SNTG1: variants seen among roughly 807,000 people sequenced by gnomAD.
SNTG1 encodes gamma-1-syntrophin.
A neutral mutation model predicts 74.7 loss-of-function variants in SNTG1; 39 were observed. The observed-to-expected ratio is 0.52, with a 90% CI of 0.40 to 0.68. The LOEUF (loss-of-function observed/expected upper bound fraction) is 0.68. SNTG1 is among the 30% of genes least tolerant of loss of function. The pLI is 0.00. For synonymous variants in SNTG1, 254 were observed against 217.1 expected, an observed-to-expected ratio of 1.17 and a Z score of -1.49; for missense variants, 685 against 609.5, an observed-to-expected ratio of 1.12 and a Z score of -1.30.
chr8:50,035,928 G>A (rs1818121813), intron 1 of SNTG1, among the ~76,000 whole-genome samples: 1 of 152,080 alleles, frequency 6.6e-6, no homozygotes, highest in South Asian at 2.1e-4. Flanking sequence ...ACAGCTTGGT[G>A]AAGGCCAGGT....
At chr8:50,510,182 T>G (rs112611520) in intron 9 of SNTG1, among the ~76,000 whole-genome samples, 47 of 152,160 alleles carry the variant, frequency 3.1e-4, no homozygotes, top group African/African-American at 9.4e-4. Context: ...TCATATGGTT[T>G]TTGTTGTTGG....
chr8:50,376,754 T>G (rs148118785), intron 2 of SNTG1, among the ~76,000 whole-genome samples: 27,330 of 99,398 alleles, frequency 0.27, 3,235 homozygotes, highest in African/African-American at 0.32. Context: ...TATATATATA[T>G]ATAGAGAGAG....
chr8:50,460,618 G>A (rs558329721), intron 8 of SNTG1, among the ~76,000 whole-genome samples: 63 of 152,264 alleles, frequency 4.1e-4, no homozygotes, highest in African/African-American at 1.5e-3. Flanking sequence ...ACAGTTCGAT[G>A]TCATGCATTT....
chr8:50,701,740 T>G (rs1245154304), intron 15 of SNTG1, among the ~76,000 whole-genome samples: 3 of 47,080 alleles, frequency 6.4e-5, no homozygotes, highest in African/African-American at 2.3e-4. Context: ...CTTTTTCTTT[T>G]TCTTCTCCTT....
Position 49,986,882 on chromosome 8 carries a change from C to T in SNTG1, c.-103+74651C>T, listed in dbSNP as rs138747740. The stretch of plus-strand genomic sequence containing the variant: ...GAGCCACGGTCTCAAAATAGATAAA[C>T]AAATAAATAAATAAATATGTAAATA... On this transcript the variant is annotated intron_variant, in intron 1 of 18. Transcript: ENST00000642720. Among the ~76,000 whole-genome samples the T allele has an allele frequency of 3.3e-3, 506 of 152,028 alleles. 4 individuals are homozygous for T. Among genetic ancestry groups the T allele is most frequent in the African/African-American group, 0.012 (486 of 41,482 alleles).
intron 4 of SNTG1, among the ~76,000 whole-genome samples, chr8:50,404,628 T>C (rs2092848331): frequency 6.7e-6 from 1 of 149,538 alleles, no homozygotes; most frequent in African/African-American, 2.5e-5. Flanking sequence ...TCAGTTAAGT[T>C]TTTTTTTTTA....
At chr8:50,233,973 T>C (rs898694514) in intron 2 of SNTG1, among the ~76,000 whole-genome samples, 1 of 151,866 alleles carries the variant, frequency 6.6e-6, no homozygotes, top group Non-Finnish European at 1.5e-5. Flanking sequence ...AAAGCCACTC[T>C]GAAAAAAATG....
intron 15 of SNTG1, among the ~76,000 whole-genome samples, chr8:50,659,276 G>T: frequency 6.6e-6 from 1 of 152,090 alleles, no homozygotes; most frequent in Admixed American, 6.6e-5. Flanking sequence ...GTTTTTTAAA[G>T]AATTAAAATT....
chr8:50,003,003 C>T (rs1001633927), intron 1 of SNTG1, among the ~76,000 whole-genome samples: 1 of 152,036 alleles, frequency 6.6e-6, no homozygotes, highest in Non-Finnish European at 1.5e-5. Context: ...TCACAAAGTC[C>T]CACATATTAT....
At chr8:50,785,324 T>C (rs2095671694) in intron 18 of SNTG1, among the ~76,000 whole-genome samples, 1 of 151,712 alleles carries the variant, frequency 6.6e-6, no homozygotes, top group African/African-American at 2.4e-5. Context: ...GAGAGAATAT[T>C]CAAATTTTTT....
chr8:50,731,922 A>G (rs979698009), intron 17 of SNTG1, among the ~76,000 whole-genome samples: 1 of 152,074 alleles, frequency 6.6e-6, no homozygotes, highest in African/African-American at 2.4e-5. Context: ...GAGTTTTACA[A>G]GTTTACACAA....
chr8:50,149,170 T>C (rs1361573253), intron 1 of SNTG1, among the ~76,000 whole-genome samples: 1 of 152,266 alleles, frequency 6.6e-6, no homozygotes, highest in Non-Finnish European at 1.5e-5. Flanking sequence ...CATGTGTCTG[T>C]TGGCTGCATA....
At chr8:50,784,462 G>GA (rs1319188810) in intron 18 of SNTG1, among the ~76,000 whole-genome samples, 2 of 152,072 alleles carry the variant, frequency 1.3e-5, no homozygotes, top group Non-Finnish European at 2.9e-5. Flanking sequence ...ATTTTATAAT[G>GA]AAAAATGAAT....
chr8:50,725,032 C>T (rs144577111), intron 17 of SNTG1, among the ~76,000 whole-genome samples: 70 of 152,028 alleles, frequency 4.6e-4, no homozygotes, highest in African/African-American at 1.6e-3. Flanking sequence ...AAATATCATT[C>T]GGCTCACTTT....
At chr8:50,186,361 T>C (rs1406701663) in intron 2 of SNTG1, among the ~76,000 whole-genome samples, 2 of 152,186 alleles carry the variant, frequency 1.3e-5, no homozygotes, top group Non-Finnish European at 2.9e-5. Flanking sequence ...TTTGGGTATA[T>C]ACTCAATAAT....
intron 13 of SNTG1, among the ~76,000 whole-genome samples, chr8:50,619,731 G>GAA (rs780234473): frequency 6.6e-4 from 42 of 63,788 alleles, no homozygotes; most frequent in South Asian, 3.1e-3. Context: ...ACTCCGTCTC[G>GAA]AAAAAAAAAA....
At chr8:50,394,548 G>A (rs2092703636) in intron 3 of SNTG1, among the ~76,000 whole-genome samples, 1 of 152,188 alleles carries the variant, frequency 6.6e-6, no homozygotes, top group South Asian at 2.1e-4. Context: ...TAGTGGAAGT[G>A]TTGGAAAGAA....
intron 2 of SNTG1, among the ~76,000 whole-genome samples, chr8:50,268,613 T>G (rs1168967790): frequency 6.6e-6 from 1 of 151,664 alleles, no homozygotes; most frequent in African/African-American, 2.4e-5. Flanking sequence ...CACAATTCAG[T>G]AGAGAACCTA....
At chr8:50,202,891 T>C (rs886933115) in intron 2 of SNTG1, among the ~76,000 whole-genome samples, 2 of 151,906 alleles carry the variant, frequency 1.3e-5, no homozygotes, top group Non-Finnish European at 2.9e-5. Flanking sequence ...CTGTGTATTC[T>C]GTTTTTTTGT....
Sources: allele counts gnomAD v4.1 joint callset (sites outside exome capture counted in the v4.1 genomes callset), GRCh38; gene constraint gnomAD v4.1.1; transcripts MANE v1.5; gene names NCBI Gene and HGNC (gene_info 2026-07-23, HGNC 2026-07-21).